HDX: variants seen among roughly 807,000 people sequenced by gnomAD.
HDX encodes highly divergent homeobox.
A neutral mutation model predicts 45.2 loss-of-function variants in HDX; 19 were observed. The ratio of observed to expected loss-of-function variants is 0.42; its 90% CI spans 0.29 to 0.62. HDX has a LOEUF of 0.62. Ranked by LOEUF, HDX falls within the 20% of genes least tolerant of loss-of-function variation. The pLI, the probability that HDX is intolerant of heterozygous loss-of-function variation, is 0.20. For synonymous variants in HDX, 188 were observed against 172.8 expected (o/e 1.09, Z -0.69); for missense variants, 532 against 493.9 (o/e 1.08, Z -0.73).
intron 5 of HDX, among the ~76,000 whole-genome samples, chrX:84,390,483 G>A (rs149974686): frequency 4.5e-3 from 506 of 111,413 alleles, no homozygotes; most frequent in Non-Finnish European, 7.5e-3. Flanking sequence ...TAGAGGGTGG[G>A]CAGGGATTGG....
chrX:84,323,861 T>G (rs1294490087), intron 10 of HDX, among the ~76,000 whole-genome samples: 1 of 112,633 alleles, frequency 8.9e-6, no homozygotes, highest in Non-Finnish European at 1.9e-5. Flanking sequence ...TACGGTCATT[T>G]TTCCCAAGAG....
At chrX:84,381,931 A>C (rs1461837184) in intron 5 of HDX, among the ~76,000 whole-genome samples, 1 of 111,436 alleles carries the variant, frequency 9.0e-6, no homozygotes, top group African/African-American at 3.3e-5. Flanking sequence ...GAAGGAGCAA[A>C]TATTTGCAAA....
intron 5 of HDX, among the ~76,000 whole-genome samples, chrX:84,376,668 G>A (rs942054351): frequency 3.6e-5 from 4 of 112,336 alleles, no homozygotes; most frequent in African/African-American, 9.7e-5. Flanking sequence ...CCTTTGGCAA[G>A]GGTAGGGAAA....
intron 5 of HDX, among the ~76,000 whole-genome samples, chrX:84,408,725 A>C (rs765620960): frequency 1.6e-4 from 18 of 109,258 alleles, no homozygotes; most frequent in African/African-American, 5.3e-4. Context: ...TGTTTGTGTC[A>C]TCTCTGGTAT....
chrX:84,460,185 G>C (rs997500197), intron 4 of HDX, among the ~76,000 whole-genome samples: 1 of 111,524 alleles, frequency 9.0e-6, no homozygotes, highest in East Asian at 2.8e-4. Flanking sequence ...TTCATTCTAT[G>C]AGGCCAGTAT....
intron 5 of HDX, among the ~76,000 whole-genome samples, chrX:84,366,406 C>T: frequency 9.0e-6 from 1 of 111,669 alleles, no homozygotes; most frequent in African/African-American, 3.3e-5. Context: ...GGCCATAGTG[C>T]CCAAAGTAAT....
chrX:84,457,736 C>G (rs1278358264), intron 4 of HDX, among the ~76,000 whole-genome samples: 6 of 111,704 alleles, frequency 5.4e-5, no homozygotes, highest in African/African-American at 1.9e-4. Context: ...TCTTTCTCAG[C>G]TTTTCAGTCC....
chrX:84,425,630 A>G (rs1026723656), intron 5 of HDX, among the ~76,000 whole-genome samples: 4 of 112,119 alleles, frequency 3.6e-5, no homozygotes, highest in Non-Finnish European at 7.5e-5. Flanking sequence ...TCAGTAATGA[A>G]AAAAATGAGA....
At chrX:84,390,120 C>T (rs1307019241) in intron 5 of HDX, among the ~76,000 whole-genome samples, 1 of 110,096 alleles carries the variant, frequency 9.1e-6, no homozygotes, top group Non-Finnish European at 1.9e-5. Context: ...TGGTTTACTT[C>T]GTAATTAGGT....
chrX:84,335,958 A>C (rs756945669), intron 8 of HDX, among the ~76,000 whole-genome samples: 2 of 111,067 alleles, frequency 1.8e-5, no homozygotes, highest in East Asian at 5.7e-4. Flanking sequence ...AATGCTTCTA[A>C]TGAAAGTCAA....
At chrX:84,487,911 T>A (rs911472501) in intron 2 of HDX, 113 bp downstream of exon 2, 4 of 112,338 alleles carry the variant, frequency 3.6e-5, no homozygotes, top group Non-Finnish European at 7.5e-5. Context: ...CTGTTGGGAC[T>A]GCCAGCTGCT....
chrX:84,427,313 T>G (rs2148026754), intron 5 of HDX, among the ~76,000 whole-genome samples: 1 of 111,104 alleles, frequency 9.0e-6, no homozygotes, highest in East Asian at 2.8e-4. Flanking sequence ...TTATTTAGGT[T>G]TAATTAACAT....
intron 1 of HDX, among the ~76,000 whole-genome samples, chrX:84,497,162 G>C (rs895690232): frequency 1.6e-4 from 18 of 112,024 alleles, no homozygotes; most frequent in African/African-American, 5.2e-4. Context: ...GTGGAACTGT[G>C]AGTCAGTTAA....
chrX:84,428,681 C>T (rs1429598852), intron 5 of HDX, among the ~76,000 whole-genome samples: 1 of 110,868 alleles, frequency 9.0e-6, no homozygotes, highest in Non-Finnish European at 1.9e-5. Context: ...TCCAAGGAAA[C>T]AGTGTCTTCA....
chrX:84,501,179 T>C (rs147015267), intron 1 of HDX, among the ~76,000 whole-genome samples: 1,656 of 111,967 alleles, frequency 0.015, 24 homozygotes, highest in African/African-American at 0.051. Context: ...TCATCAATAA[T>C]AGACAGGCAG....
chrX:84,387,913 T>G (rs2038356538), intron 5 of HDX, among the ~76,000 whole-genome samples: 1 of 112,168 alleles, frequency 8.9e-6, no homozygotes, highest in Admixed American at 9.5e-5. Flanking sequence ...TGCTGTGTAC[T>G]TATGTGTGTT....
intron 5 of HDX, among the ~76,000 whole-genome samples, chrX:84,367,481 C>T (rs1233761493): frequency 8.9e-6 from 1 of 111,828 alleles, no homozygotes; most frequent in East Asian, 2.8e-4. Flanking sequence ...TACCATTTGA[C>T]CCAGCAATCC....
In HDX at chrX:84,321,389, A is replaced by G. The variant is rs769431788; in HGVS notation, c.*500T>C. The G allele has an allele frequency of 1.8e-5, 2 of 110,781 alleles. No individual in the cohort carries two copies. The highest frequency in any genetic ancestry group is 3.8e-5 in the Non-Finnish European group (2 of 52,467). 9.1% of individuals were successfully genotyped at this position (110,781 alleles called of 1,213,427 possible). A position where few individuals can be genotyped will look rare whatever the true frequency, so the allele number is the denominator to read the frequency against. On this transcript the variant is annotated 3_prime_UTR_variant, in exon 11 of 11. Transcript: ENST00000373177. Reference sequence around the variant, plus strand: ...CAAATTTTCATAGGGGTTAAAAACTAAATCAGAGAACTCATTAAATAATGA... The same window carrying G: ...CAAATTTTCATAGGGGTTAAAAACTGAATCAGAGAACTCATTAAATAATGA...
At chrX:84,499,274 T>C (rs964511388) in intron 1 of HDX, among the ~76,000 whole-genome samples, 17 of 111,621 alleles carry the variant, frequency 1.5e-4, no homozygotes, top group Admixed American at 3.8e-4. Flanking sequence ...ACTCTACAAC[T>C]TAAATGAGAA....
Sources: allele counts gnomAD v4.1 joint callset (sites outside exome capture counted in the v4.1 genomes callset), GRCh38; gene constraint gnomAD v4.1.1; transcripts MANE v1.5; gene names NCBI Gene and HGNC (gene_info 2026-07-23, HGNC 2026-07-21).